Variants in POLA1 observed in about 807,000 individuals in gnomAD.
POLA1 encodes the protein DNA polymerase alpha catalytic subunit.
In POLA1, 15 loss-of-function variants were observed where a neutral mutation model predicts 124.0. The observed-to-expected ratio is 0.12, with a 90% CI of 0.08 to 0.19. POLA1 has a LOEUF of 0.19. Ranked by LOEUF, POLA1 falls within the 10% of genes least tolerant of loss-of-function variation. The pLI is 1.00. For synonymous variants in POLA1, 408 were observed against 389.4 expected (o/e 1.05, Z -0.56); for missense variants, 886 against 1,103.4 (o/e 0.80, Z 2.79).
At chrX:24,955,224 C>T (rs1341689547) in intron 36 of POLA1, among the ~76,000 whole-genome samples, 22 of 105,510 alleles carry the variant, frequency 2.1e-4, no homozygotes, top group African/African-American at 7.3e-4. Context: ...AGTGCAGTGG[C>T]GCAAGCACTG....
At chrX:24,885,056 A>G (rs1484921144) in intron 34 of POLA1, among the ~76,000 whole-genome samples, 2 of 112,406 alleles carry the variant, frequency 1.8e-5, no homozygotes, top group Middle Eastern at 4.6e-3. Context: ...TGACAGAATC[A>G]AGTTTCAAAA....
At chrX:24,951,415 C>T (rs1426505857) in intron 36 of POLA1, among the ~76,000 whole-genome samples, 2 of 96,953 alleles carry the variant, frequency 2.1e-5, no homozygotes, top group Non-Finnish European at 4.0e-5. Context: ...GCTTAACCAT[C>T]ACCTTCTAGC....
chrX:24,919,291 G>A (rs751302141), intron 35 of POLA1, among the ~76,000 whole-genome samples: 3 of 111,749 alleles, frequency 2.7e-5, no homozygotes, highest in Admixed American at 9.5e-5. Context: ...TCTTTATCTC[G>A]GGAAACTTCC....
chrX:24,952,044 G>A (rs749438173), intron 36 of POLA1, among the ~76,000 whole-genome samples: 10 of 111,569 alleles, frequency 9.0e-5, no homozygotes, highest in African/African-American at 2.0e-4. Flanking sequence ...AGGTGGTAAC[G>A]AGGAGTCCTG....
At chrX:24,726,332 A>G (rs1930534762) in intron 13 of POLA1, among the ~76,000 whole-genome samples, 2 of 112,263 alleles carry the variant, frequency 1.8e-5, no homozygotes, top group African/African-American at 6.5e-5. Context: ...ATGCCACATG[A>G]TGGAGTTGGA....
At chrX:24,713,637 G>A (rs1395830288) in intron 4 of POLA1, among the ~76,000 whole-genome samples, 2 of 111,159 alleles carry the variant, frequency 1.8e-5, no homozygotes, top group Non-Finnish European at 3.8e-5. Flanking sequence ...GGATGGTATC[G>A]ATTTCCTGAT....
At position 24,727,819 on chromosome X, in the gene POLA1, G is replaced by A. The variant is rs1472711260; in HGVS notation, c.1569G>A (p.Glu523=). The A allele has an allele frequency of 1.7e-6, 2 of 1,207,652 alleles. No homozygotes were observed. The highest frequency in any genetic ancestry group is 3.5e-5 in the South Asian group (2 of 56,711). The change falls in exon 15 of 37, where the codon GAG becomes GAA. Residue 523 remains glutamate (E), a synonymous_variant. Coordinates refer to ENST00000379068, the MANE Select transcript of POLA1 (RefSeq NM_001330360.2). ...AGCCAGTCAGTTGGTGTAAAGTTGA[G>A]GCAATGGCTTTGAAACCAGACCTGG... ...LNQPVSWCKV[E]AMALKPDLVN... is the part of the protein sequence containing the mutation.
intron 35 of POLA1, among the ~76,000 whole-genome samples, chrX:24,918,024 G>A (rs992866105): frequency 2.7e-5 from 3 of 110,746 alleles, no homozygotes; most frequent in South Asian, 3.9e-4. Flanking sequence ...CAGTCTGTCC[G>A]ACTCTGGAAG....
intron 26 of POLA1, among the ~76,000 whole-genome samples, chrX:24,808,252 T>A (rs2045837159): frequency 8.9e-6 from 1 of 111,772 alleles, no homozygotes; most frequent in Non-Finnish European, 1.9e-5. Flanking sequence ...ACCGTGATGG[T>A]TGCCACTGCT....
In POLA1 at chrX:24,831,246, C is replaced by T. The variant is rs938908634; in HGVS notation, c.3736+4645C>T. On this transcript the variant is annotated intron_variant, in intron 32 of 36. Transcript: ENST00000379068. Reference sequence around the variant, plus strand: ...GTGCTTTTGACAGATCCAGGGAGATCCACCTACAAAAAAGAGAGTAAAGTA... The same window carrying T: ...GTGCTTTTGACAGATCCAGGGAGATTCACCTACAAAAAAGAGAGTAAAGTA... 2.7e-5 allele frequency among the ~76,000 whole-genome samples: 3 copies of T among 110,641 alleles called. No homozygotes were observed. In the South Asian group the frequency reaches 1.2e-3, roughly 43 times the overall value.
In POLA1 at chrX:24,809,167, C is replaced by T. The variant is rs748024165; in HGVS notation, c.2965-731C>T. ...GCACATGTATTTTAAACGCCCCCCCCGACACACACACTTTCTCTCTGAGTC... is the reference window on the plus strand; with the variant it reads ...GCACATGTATTTTAAACGCCCCCCCTGACACACACACTTTCTCTCTGAGTC... On this transcript the variant is annotated intron_variant, in intron 26 of 36. Transcript: ENST00000379068. 3.6e-5 allele frequency among the ~76,000 whole-genome samples: 4 copies of T among 111,073 alleles called. No homozygotes were observed. The East Asian group carries it at 8.4e-4, about 23-fold the overall frequency.
chrX:24,837,369 A>T (rs1478910630), intron 32 of POLA1, among the ~76,000 whole-genome samples: 9 of 111,605 alleles, frequency 8.1e-5, no homozygotes, highest in Non-Finnish European at 1.9e-5. Flanking sequence ...TTTGTGTGCA[A>T]CTTCTTTCAC....
At chrX:24,761,983 C>T (rs912517417) in intron 26 of POLA1, among the ~76,000 whole-genome samples, 9 of 112,142 alleles carry the variant, frequency 8.0e-5, no homozygotes, top group African/African-American at 2.9e-4. Context: ...TACTGAAATG[C>T]CTGAGTATGC....
intron 34 of POLA1, among the ~76,000 whole-genome samples, chrX:24,849,354 T>C (rs1159051495): frequency 8.8e-6 from 1 of 113,066 alleles, no homozygotes; most frequent in Non-Finnish European, 1.9e-5. Context: ...AAAGAACATA[T>C]TGAAAATTAG....
At chrX:24,927,088 T>C (rs2147207966) in intron 35 of POLA1, among the ~76,000 whole-genome samples, 1 of 109,998 alleles carries the variant, frequency 9.1e-6, no homozygotes, top group South Asian at 4.0e-4. Context: ...TCTGCCCTCC[T>C]ATGCCTCCCA....
At position 24,742,137 on chromosome X, in the gene POLA1, T is replaced by C. The variant is rs769971004; in HGVS notation, c.2466+16T>C. 1 of 1,185,289 alleles carries C rather than the reference T, an allele frequency of 8.4e-7. No homozygotes were observed. Among genetic ancestry groups the C allele is most frequent in the Admixed American group, 2.3e-5 (1 of 42,986 alleles). ...GCAAAAACTGGTGGGTCCAAAACTGTGTAGTATTTTGTTTTCTCTTAACCC... is the reference window on the plus strand; with the variant it reads ...GCAAAAACTGGTGGGTCCAAAACTGCGTAGTATTTTGTTTTCTCTTAACCC... On this transcript the variant is annotated intron_variant, in intron 22 of 36. Coordinates refer to ENST00000379068, the MANE Select transcript of POLA1 (RefSeq NM_001330360.2).
chrX:24,833,335 G>A (rs2046295197), intron 32 of POLA1, among the ~76,000 whole-genome samples: 1 of 111,576 alleles, frequency 9.0e-6, no homozygotes, highest in Non-Finnish European at 1.9e-5. Flanking sequence ...TATTTTTGCA[G>A]TTGAGAATTG....
chrX:24,895,081 T>G (rs1351138325), intron 35 of POLA1, among the ~76,000 whole-genome samples: 1 of 111,469 alleles, frequency 9.0e-6, no homozygotes, highest in African/African-American at 3.3e-5. Context: ...GCCCCGCCCC[T>G]ATTTTCTAAT....
intron 36 of POLA1, among the ~76,000 whole-genome samples, chrX:24,971,358 T>C (rs985582234): frequency 4.4e-5 from 5 of 112,568 alleles, no homozygotes; most frequent in Non-Finnish European, 9.4e-5. Context: ...GAATGAAACC[T>C]GGGTGTCCAT....
Sources: allele counts gnomAD v4.1 joint callset (sites outside exome capture counted in the v4.1 genomes callset), GRCh38; gene constraint gnomAD v4.1.1; transcripts MANE v1.5; gene names NCBI Gene and HGNC (gene_info 2026-07-23, HGNC 2026-07-21).